STX7: variants seen among roughly 807,000 people sequenced by gnomAD.
STX7 encodes syntaxin 7.
STX7 carries 34 observed loss-of-function variants against 39.6 expected under a neutral mutation model. The observed-to-expected ratio is 0.86, with a 90% confidence interval of 0.65 to 1.14. The LOEUF (loss-of-function observed/expected upper bound fraction) is 1.14. STX7 is among the 50% of genes most tolerant of loss of function. The pLI is 0.00. For missense variants in STX7, 284 were observed against 310.4 expected (o/e 0.92, Z 0.64); for synonymous variants, 119 against 99.1 (o/e 1.20, Z -1.19).
At chr6:132,497,818 T>C (rs1775453844) in intron 2 of STX7, among the ~76,000 whole-genome samples, 1 of 152,206 alleles carries the variant, frequency 6.6e-6, no homozygotes, top group Admixed American at 6.5e-5. Flanking sequence ...ACAGAAAATA[T>C]GGAGAAATGA....
At chr6:132,493,451 C>T (rs546308919) in intron 2 of STX7, among the ~76,000 whole-genome samples, 1 of 152,178 alleles carries the variant, frequency 6.6e-6, no homozygotes, top group Non-Finnish European at 1.5e-5. Flanking sequence ...GGTGGTCATT[C>T]CTGTGCTGTT....
intron 2 of STX7, among the ~76,000 whole-genome samples, chr6:132,484,034 T>G (rs1334856740): frequency 1.3e-5 from 2 of 152,132 alleles, no homozygotes; most frequent in Non-Finnish European, 2.9e-5. Context: ...TAAAAAGAAT[T>G]AAGAATAAAC....
chr6:132,503,471 AG>A lies in STX7; in HGVS notation c.59del (p.Ser20LeufsTer17). 1.9e-6 allele frequency: 3 copies of A among 1,614,112 alleles called. No individual in the cohort carries two copies. The highest frequency in any genetic ancestry group is 2.5e-6 in the Non-Finnish European group (3 of 1,179,972). On this transcript the variant is annotated frameshift_variant, in exon 2 of 10. Transcript: ENST00000367941. LOFTEE classifies it high-confidence loss of function. ...DPAQLAQRIS[S>X]NIQKITQCSV... ...AACACTGTGTGATCTTCTGGATGTT[AG>A]AAGAGATCCTCTGGGCCAACTGGGC...
At position 132,458,706 on chromosome 6, in the gene STX7, T is replaced by A. The variant is rs1226924525; in HGVS notation, c.*2052A>T. 2 of 152,214 alleles carry A rather than the reference T, an allele frequency of 1.3e-5. No homozygotes were observed. The highest frequency in any genetic ancestry group is 1.3e-4 in the Admixed American group (2 of 15,274). 9.4% of individuals were successfully genotyped at this position (152,214 alleles called of 1,614,324 possible). A position where few individuals can be genotyped will look rare whatever the true frequency, so the allele number is the denominator to read the frequency against. On this transcript the variant is annotated 3_prime_UTR_variant, in exon 10 of 10. Transcript: ENST00000367941. ...TACCATACTATGTTTCTTATTTAAT[T>A]TTCTCTAATCAATACTACTCTTACG... is the stretch of plus-strand genomic sequence containing the variant.
chr6:132,476,909 A>G (rs1774889818), intron 2 of STX7, among the ~76,000 whole-genome samples: 1 of 152,030 alleles, frequency 6.6e-6, no homozygotes, highest in Non-Finnish European at 1.5e-5. Context: ...TGAAAATCCA[A>G]AGAACTCTTA....
chr6:132,486,294 T>C (rs1775130097), intron 2 of STX7, among the ~76,000 whole-genome samples: 1 of 152,324 alleles, frequency 6.6e-6, no homozygotes. Flanking sequence ...CCTGATCTTA[T>C]AAAGGAAAGC....
rs542645821 is a variant in STX7 at position 132,469,345 on chromosome 6, T to A, written c.537+606A>T. ...GACATCCAGACTCTTGGACAGACAT[T>A]TATCTCTACACTGGTATTTTCTCAA... On this transcript the variant is annotated intron_variant, in intron 7 of 9. Coordinates refer to ENST00000367941, the MANE Select transcript of STX7 (RefSeq NM_003569.3). Among the ~76,000 whole-genome samples, 29 of 152,260 alleles carry A rather than the reference T, an allele frequency of 1.9e-4. 1 individual carries two copies. The East Asian group carries it at 5.0e-3, about 26-fold the overall frequency.
At position 132,447,461 on chromosome 6, in the gene STX7, T is replaced by C. The variant is rs1774037849; in HGVS notation, c.*13297A>G. ...TAAATTGGGGGAACATGATCCTTTA[T>C]GTATTAATTGAATCAACTTTGGTTA... is the stretch of plus-strand genomic sequence containing the variant. On this transcript the variant is annotated 3_prime_UTR_variant, in exon 10 of 10. Coordinates refer to ENST00000367941, the MANE Select transcript of STX7 (RefSeq NM_003569.3). 6.6e-6 allele frequency: 1 copy of C among 152,212 alleles called. No individual in the cohort carries two copies. The highest frequency in any genetic ancestry group is 2.1e-4 in the South Asian group (1 of 4,830). 9.4% of individuals were successfully genotyped at this position (152,212 alleles called of 1,614,324 possible). A position where few individuals can be genotyped will look rare whatever the true frequency, so the allele number is the denominator to read the frequency against.
At chr6:132,461,668 A>G (rs1774405627) in intron 9 of STX7, 3 of 663,730 alleles carry the variant, frequency 4.5e-6, no homozygotes, top group Non-Finnish European at 7.3e-6. Context: ...TTCCAAAATC[A>G]TTCTCATTCT....
rs1398625152 is a variant in STX7 at position 132,469,996 on chromosome 6, G to A, written c.492C>T (p.Asp164=). The part of the protein sequence containing the change: ...QVQDEEITED[D]LRLIHERESS... ...ATTCTCTCTCATGAATAAGACGGAG[G>A]TCATCCTCTGTAATTTCTTCATCCT... Residue 164 remains aspartate, a synonymous_variant, in exon 7 of 10, where the codon GAC becomes GAT. Coordinates refer to ENST00000367941, the MANE Select transcript of STX7 (RefSeq NM_003569.3). 3.1e-6 allele frequency: 5 copies of A among 1,599,176 alleles called. No homozygotes were observed. The highest frequency in any genetic ancestry group is 1.8e-5 in the Admixed American group (1 of 56,738).
At chr6:132,471,964 A>G (rs1774734581) in intron 4 of STX7, among the ~76,000 whole-genome samples, 1 of 152,214 alleles carries the variant, frequency 6.6e-6, no homozygotes, top group South Asian at 2.1e-4. Flanking sequence ...GACACCTCAC[A>G]TCTTGAATGA....
intron 2 of STX7, among the ~76,000 whole-genome samples, chr6:132,495,340 A>G (rs1302100627): frequency 6.6e-6 from 1 of 152,336 alleles, no homozygotes; most frequent in African/African-American, 2.4e-5. Context: ...CACCTTAGGC[A>G]TGAAGAAAAT....
At chr6:132,505,864 A>G (rs768008770) in intron 1 of STX7, among the ~76,000 whole-genome samples, 3 of 152,186 alleles carry the variant, frequency 2.0e-5, no homozygotes, top group Non-Finnish European at 4.4e-5. Context: ...ATAGTAACTA[A>G]AACAGCATGA....
chr6:132,468,014 G>A (rs904614430), intron 8 of STX7, among the ~76,000 whole-genome samples: 13 of 152,120 alleles, frequency 8.5e-5, no homozygotes, highest in African/African-American at 3.1e-4. Flanking sequence ...AAGACAAGAT[G>A]TCATGCACAG....
At chr6:132,468,003 AAAGAC>A (rs1774605278) in intron 8 of STX7, among the ~76,000 whole-genome samples, 1 of 152,220 alleles carries the variant, frequency 6.6e-6, no homozygotes, top group South Asian at 2.1e-4. Context: ...CTAATACCTA[AAAGAC>A]AAGATGTCAT....
intron 8 of STX7, among the ~76,000 whole-genome samples, chr6:132,465,014 T>C (rs1052683126): frequency 2.0e-5 from 3 of 152,168 alleles, no homozygotes; most frequent in Non-Finnish European, 4.4e-5. Context: ...CATCTATCAA[T>C]CGCATGGCCT....
At position 132,464,039 on chromosome 6, in the gene STX7, T is replaced by C. The variant is rs1164816730; in HGVS notation, c.647A>G (p.His216Arg). Reference protein sequence around the residue: ...IEANVENAEVHVQQANQQLSR... With the variant: ...IEANVENAEVRVQQANQQLSR... ...CAGCTGCTGATTTGCTTGCTGAACG[T>C]GCACCTCTGCATTTTCCACATTGGC... Residue 216 changes from histidine (H) to arginine (R), a missense_variant, in exon 9 of 10, where the codon CAC becomes CGC. Transcript: ENST00000367941. 6.8e-6 allele frequency: 11 copies of C among 1,614,118 alleles called. No individual in the cohort carries two copies. Among genetic ancestry groups the C allele is most frequent in the Middle Eastern group, 1.6e-4 (1 of 6,062 alleles).
rs1305383378 is a variant in STX7 at position 132,454,020 on chromosome 6, C to T, written c.*6738G>A. The T allele has an allele frequency of 6.6e-6, 1 of 151,984 alleles. No individual in the cohort carries two copies. Among genetic ancestry groups the T allele is most frequent in the Non-Finnish European group, 1.5e-5 (1 of 67,982 alleles). 9.4% of individuals were successfully genotyped at this position (151,984 alleles called of 1,614,324 possible). A position where few individuals can be genotyped will look rare whatever the true frequency, so the allele number is the denominator to read the frequency against. On this transcript the variant is annotated 3_prime_UTR_variant, in exon 10 of 10. Coordinates refer to ENST00000367941, the MANE Select transcript of STX7 (RefSeq NM_003569.3). ...TATTTATAGTAGCCAAAAACTGGCC[C>T]AATGTCTCTCAGCAGGTGAACAGTT...
In STX7 at chr6:132,456,533, C is replaced by T. The variant is rs1428226173; in HGVS notation, c.*4225G>A. The T allele has an allele frequency of 6.6e-6, 1 of 152,094 alleles. No individual in the cohort carries two copies. Among genetic ancestry groups the T allele is most frequent in the African/African-American group, 2.4e-5 (1 of 41,404 alleles). The allele number at this position is 152,094 out of a possible 1,614,324, so 9.4% of individuals were successfully genotyped here. On this transcript the variant is annotated 3_prime_UTR_variant, in exon 10 of 10. Transcript: ENST00000367941. ...AAATTAAGTATTTATTAAGCAACTA[C>T]TACGGGAGGGAAGGAAGAAGGGAAG... is the stretch of plus-strand genomic sequence containing the variant.
Sources: allele counts gnomAD v4.1 joint callset (sites outside exome capture counted in the v4.1 genomes callset), GRCh38; gene constraint gnomAD v4.1.1; transcripts MANE v1.5; gene names NCBI Gene and HGNC (gene_info 2026-07-23, HGNC 2026-07-21).